SRP19: variants seen among roughly 807,000 people sequenced by gnomAD.
SRP19 encodes signal recognition particle 19.
Under a neutral mutation model 22.4 loss-of-function variants are expected in SRP19, and 11 were observed. That is an observed-to-expected ratio of 0.49 (90% CI 0.31 to 0.81). SRP19 has a LOEUF of 0.81. Among genes scored for constraint, SRP19 ranks in the 40% least tolerant of loss-of-function variants. The pLI, the probability that SRP19 is intolerant of heterozygous loss-of-function variation, is 0.05. For synonymous variants in SRP19, 61 were observed against 57.6 expected (o/e 1.06, Z -0.27); for missense variants, 168 against 175.9 (o/e 0.96, Z 0.25).
Position 112,861,353 on chromosome 5 carries a change from T to C in SRP19, c.-24T>C, listed in dbSNP as rs201148181. ...CTGCCGGGTTTCTCCCTGCGGCTCCTGGGTTGTTGAGACTCTTGTGAAGAT... is the reference window on the plus strand; with the variant it reads ...CTGCCGGGTTTCTCCCTGCGGCTCCCGGGTTGTTGAGACTCTTGTGAAGAT... On this transcript the variant is annotated 5_prime_UTR_variant, in exon 1 of 5. Transcript: ENST00000505459. 9 of 1,614,134 alleles carry C rather than the reference T, an allele frequency of 5.6e-6. No homozygotes were observed. In the East Asian group the frequency reaches 1.1e-4, roughly 20 times the overall value.
At chr5:112,886,951 T>TTA in intron 4 of SRP19, 1 of 1,248,504 alleles carries the variant, frequency 8.0e-7, no homozygotes, top group Non-Finnish European at 1.1e-6. Context: ...AGGAAGCCTG[T>TTA]TATTTGAGCC....
At position 112,881,128 on chromosome 5, in the gene SRP19, C is replaced by CAAAAAA. The variant is rs58737941; in HGVS notation, c.302-10457_302-10452dup. ...TGGGCAACAGAGTGAGACTCTGTTT[C>CAAAAAA]AAAAAAAAAAAAAAAAAAAAAAAGC... On this transcript the variant is annotated intron_variant, in intron 4 of 4. Coordinates refer to the SRP19 transcript ENST00000391338. Among the ~76,000 whole-genome samples, 34 of 67,210 alleles carry CAAAAAA rather than the reference C, an allele frequency of 5.1e-4. 3 individuals carry two copies. Among genetic ancestry groups the CAAAAAA allele is most frequent in the African/African-American group, 1.7e-3 (28 of 16,444 alleles). The allele number at this position is 67,210 out of a possible 152,430, so 44.1% of individuals were successfully genotyped here.
chr5:112,884,387 A>ATT (rs1328520628), intron 4 of SRP19, among the ~76,000 whole-genome samples: 10 of 129,964 alleles, frequency 7.7e-5, no homozygotes, highest in African/African-American at 2.3e-4. Context: ...ACCATTTTCT[A>ATT]TTTTTTTTTT....
At chr5:112,884,027 C>G (rs886765751) in intron 4 of SRP19, among the ~76,000 whole-genome samples, 6 of 152,214 alleles carry the variant, frequency 3.9e-5, no homozygotes, top group Non-Finnish European at 4.4e-5. Flanking sequence ...ATCATCACCT[C>G]CAGCCAGATC....
rs2150028278 is a variant in SRP19, at chr5:112,868,717, GCT to G, written c.*1182_*1183del. The G allele has an allele frequency of 6.6e-6, 1 of 151,776 alleles. No individual in the cohort carries two copies. Among genetic ancestry groups the G allele is most frequent in the South Asian group, 2.1e-4 (1 of 4,800 alleles). The allele number at this position is 151,776 out of a possible 1,614,324, so 9.4% of individuals were successfully genotyped here. A position where few individuals can be genotyped will look rare whatever the true frequency, so the allele number is the denominator to read the frequency against. ...GCCCGGCCTTCTTTACATTTTTATT[GCT>G]CACAGTCAAACATTCCTATTGATTG... On this transcript the variant is annotated 3_prime_UTR_variant, in exon 5 of 5. Coordinates refer to ENST00000505459, the MANE Select transcript of SRP19 (RefSeq NM_003135.3).
chr5:112,862,440 G>A, intron 1 of SRP19, 68 bp from the exon 2 acceptor site: 1 of 1,427,458 alleles, frequency 7.0e-7, no homozygotes, highest in Non-Finnish European at 9.9e-7. Context: ...TTGGTTCCCT[G>A]CCACCCGACC....
At chr5:112,870,010 TATAATA>T (rs951792626), downstream of SRP19, among the ~76,000 whole-genome samples, 19 of 151,568 alleles carry the variant, frequency 1.3e-4, no homozygotes, top group African/African-American at 4.6e-4. Context: ...ATAGAACAAT[TATAATA>T]ATATACTATA....
downstream of SRP19, among the ~76,000 whole-genome samples, chr5:112,873,496 G>A (rs905376308): frequency 5.3e-5 from 8 of 151,414 alleles, no homozygotes; most frequent in Non-Finnish European, 7.4e-5. Flanking sequence ...ACAGGCATGC[G>A]GCATCAAGCC....
chr5:112,870,482 A>G (rs1767732633), downstream of SRP19, among the ~76,000 whole-genome samples: 1 of 152,112 alleles, frequency 6.6e-6, no homozygotes, highest in Admixed American at 6.6e-5. Flanking sequence ...TCTCAAAAAA[A>G]AAAACGTACT....
intron 4 of SRP19, chr5:112,877,373 C>T (rs1767929965): frequency 6.6e-6 from 1 of 152,094 alleles, no homozygotes; most frequent in East Asian, 1.9e-4. Flanking sequence ...TTGTTTTAGT[C>T]GAGTTTAATT....
downstream of SRP19, chr5:112,894,493 A>G (rs1359590302): frequency 2.0e-5 from 3 of 152,244 alleles, no homozygotes; most frequent in Non-Finnish European, 4.4e-5. Flanking sequence ...ATACATCCCC[A>G]AAATGCAATA....
At chr5:112,897,572 C>T (rs1212602385), downstream of SRP19, 1 of 152,186 alleles carries the variant, frequency 6.6e-6, no homozygotes, top group African/African-American at 2.4e-5. Flanking sequence ...CCCTCTTGCT[C>T]AAGGCCAGAT....
intron 2 of SRP19, 89 bp downstream of exon 2, chr5:112,862,672 G>A (rs1372628712): frequency 5.3e-6 from 6 of 1,141,684 alleles, no homozygotes; most frequent in Non-Finnish European, 6.4e-6. Flanking sequence ...GCCGCAGGGG[G>A]TTCTCTTCAC....
In SRP19 at chr5:112,867,544, A is replaced by G. The variant is rs1197789023; in HGVS notation, c.*7A>G. ...AGGAAAGAAAAAGAAGTAACCTAGT[A>G]TCAGCATCAAGTATGTGGTACTACT... On this transcript the variant is annotated 3_prime_UTR_variant, in exon 5 of 5. Transcript: ENST00000505459. 5 of 1,604,758 alleles carry G rather than the reference A, an allele frequency of 3.1e-6. No homozygotes were observed. Among genetic ancestry groups the G allele is most frequent in the Admixed American group, 1.7e-5 (1 of 58,598 alleles).
At chr5:112,893,564 G>A (rs1255442818), downstream of SRP19, 1 of 153,420 alleles carries the variant, frequency 6.5e-6, no homozygotes. Context: ...AGACTCCAAA[G>A]CTTGTTTACT....
chr5:112,872,185 G>A (rs114416597), downstream of SRP19, among the ~76,000 whole-genome samples: 15 of 152,154 alleles, frequency 9.9e-5, no homozygotes, highest in African/African-American at 3.6e-4. Context: ...TCACAGCTCA[G>A]CCGTGTAGTA....
intron 4 of SRP19, chr5:112,878,788 A>G: frequency 6.2e-7 from 1 of 1,614,168 alleles, no homozygotes; most frequent in Non-Finnish European, 8.5e-7. Context: ...AGTCTGGTTT[A>G]GGTGCTCTTC....
chr5:112,861,674 C>CT (rs1447987986), intron 1 of SRP19, among the ~76,000 whole-genome samples: 2 of 152,194 alleles, frequency 1.3e-5, no homozygotes, highest in Non-Finnish European at 2.9e-5. Flanking sequence ...ATTTTGGGTG[C>CT]TACGTGGACA....
At chr5:112,881,789 A>T (rs1428951320) in intron 4 of SRP19, among the ~76,000 whole-genome samples, 1 of 152,144 alleles carries the variant, frequency 6.6e-6, no homozygotes, top group Non-Finnish European at 1.5e-5. Context: ...ATTTAGAGAC[A>T]GGGTCTCACT....
Sources: allele counts gnomAD v4.1 joint callset (sites outside exome capture counted in the v4.1 genomes callset), GRCh38; gene constraint gnomAD v4.1.1; transcripts MANE v1.5; gene names NCBI Gene and HGNC (gene_info 2026-07-23, HGNC 2026-07-21).